Variants in CLPTM1L observed in about 807,000 individuals in gnomAD.
The protein encoded by CLPTM1L is CLPTM1 like, also known as lipid scramblase CLPTM1L.
Under a neutral mutation model 70.9 loss-of-function variants are expected in CLPTM1L, and 38 were observed. The observed-to-expected ratio is 0.54, with a 90% CI of 0.41 to 0.70. The LOEUF (loss-of-function observed/expected upper bound fraction) is 0.70, where lower values mean the gene tolerates loss of function less well. CLPTM1L is among the 30% of genes least tolerant of loss of function. CLPTM1L has a pLI of 0.00. For missense variants in CLPTM1L, 652 were observed against 705.9 expected (o/e 0.92, Z 0.87); for synonymous variants, 339 against 299.9 (o/e 1.13, Z -1.35).
intron 8 of CLPTM1L, chr5:1,331,105 C>T (rs1293356457): frequency 6.5e-6 from 1 of 153,244 alleles, no homozygotes; most frequent in Non-Finnish European, 1.5e-5. Context: ...CCATCAACCA[C>T]TCGCCCCTGT....
intron 3 of CLPTM1L, among the ~76,000 whole-genome samples, chr5:1,341,273 T>C (rs995277761): frequency 3.3e-5 from 5 of 152,320 alleles, no homozygotes; most frequent in African/African-American, 4.8e-5. Flanking sequence ...CATCTAGGAA[T>C]AGCCCAGTCC....
At chr5:1,334,678 CG>C (rs1372995406) in intron 6 of CLPTM1L, among the ~76,000 whole-genome samples, 2 of 151,966 alleles carry the variant, frequency 1.3e-5, no homozygotes, top group East Asian at 1.9e-4. Context: ...CGCTTGAATC[CG>C]GGGGGCGGAG....
chr5:1,327,730 GCTC>G (rs1188915370), intron 9 of CLPTM1L, among the ~76,000 whole-genome samples: 1 of 148,880 alleles, frequency 6.7e-6, no homozygotes. Flanking sequence ...ATTTCATCCA[GCTC>G]CTCCTCTACA....
intron 11 of CLPTM1L, chr5:1,324,152 A>C: frequency 2.3e-6 from 1 of 444,102 alleles, no homozygotes. Flanking sequence ...CCCACAACAG[A>C]TCAATAAACA....
chr5:1,331,666 G>C (rs974816150), intron 8 of CLPTM1L, 133 bp downstream of exon 8: 11 of 740,950 alleles, frequency 1.5e-5, no homozygotes, highest in African/African-American at 5.2e-5. Flanking sequence ...TGGTCTCAGA[G>C]GCTTCTCAAG....
chr5:1,333,267 A>C (rs1753263593), intron 7 of CLPTM1L, among the ~76,000 whole-genome samples: 1 of 119,532 alleles, frequency 8.4e-6, no homozygotes, highest in Admixed American at 7.8e-5. Flanking sequence ...AGGGGGGACT[A>C]CTGTATACAC....
At chr5:1,322,944 C>G in intron 12 of CLPTM1L, 33 bp from the exon 13 acceptor site, 2 of 1,588,942 alleles carry the variant, frequency 1.3e-6, no homozygotes, top group Non-Finnish European at 1.7e-6. Context: ...AGTCCTATTT[C>G]TCGCATAGCT....
rs1243239568 is a variant in CLPTM1L at position 1,321,676 on chromosome 5, T to G, written c.1375A>C (p.Lys459Gln). 1.2e-6 allele frequency: 2 copies of G among 1,613,926 alleles called. No homozygotes were observed. The highest frequency in any genetic ancestry group is 1.7e-6 in the Non-Finnish European group (2 of 1,180,028). ...TTCCAGGGCAGATGTGCCACTGACT[T>G]CAACTGAAACAGGAGAGACAGGCCC... Reference protein sequence around the residue: ...LPQLFVNYKLKSVAHLPWKAF... With the variant: ...LPQLFVNYKLQSVAHLPWKAF... The change falls in exon 15 of 17, where the codon AAG becomes CAG. Residue 459 changes from lysine to glutamine, a missense_variant. Transcript: ENST00000320895.
chr5:1,333,994 C>T (rs1579643748), intron 7 of CLPTM1L, among the ~76,000 whole-genome samples: 1 of 152,112 alleles, frequency 6.6e-6, no homozygotes, highest in South Asian at 2.1e-4. Flanking sequence ...GTGGACACTG[C>T]TCAGAGTACC....
rs772573607 is a variant in CLPTM1L, at chr5:1,344,463, G to A, written c.163-12C>T. On this transcript the variant is annotated splice_polypyrimidine_tract_variant and intron_variant, in intron 1 of 16. Transcript: ENST00000320895. Reference sequence around the variant, plus strand: ...GTGTACACGCTCAGCTGGAAAGGAGGGGGCGTCGAGAGTCAGCTCGGCCAG... The same window carrying A: ...GTGTACACGCTCAGCTGGAAAGGAGAGGGCGTCGAGAGTCAGCTCGGCCAG... 1.1e-5 allele frequency: 17 copies of A among 1,609,576 alleles called. No individual in the cohort carries two copies. The highest frequency in any genetic ancestry group is 1.7e-5 in the Admixed American group (1 of 59,978).
At chr5:1,332,824 T>C (rs1241101369) in intron 7 of CLPTM1L, among the ~76,000 whole-genome samples, 2 of 152,242 alleles carry the variant, frequency 1.3e-5, no homozygotes, top group Admixed American at 6.5e-5. Context: ...ATAATACATA[T>C]ATTCATTCAT....
rs779520878 is a variant in CLPTM1L at position 1,341,873 on chromosome 5, A to C, written c.264-13T>G. 1 of 1,599,718 alleles carries C rather than the reference A, an allele frequency of 6.3e-7. No homozygotes were observed. The highest frequency in any genetic ancestry group is 1.1e-5 in the South Asian group (1 of 90,418). On this transcript the variant is annotated splice_polypyrimidine_tract_variant and intron_variant, in intron 2 of 16. Coordinates refer to ENST00000320895, the MANE Select transcript of CLPTM1L (RefSeq NM_030782.5). The stretch of plus-strand genomic sequence containing the variant: ...AACATTAACTGTCCTGAAACAGAAC[A>C]ATCATTTCCACTACATACATATTAT...
Position 1,344,423 on chromosome 5 carries a change from T to G in CLPTM1L, c.191A>C (p.His64Pro), listed in dbSNP as rs751026995. The change falls in exon 2 of 17, where the codon CAC (histidine) becomes CCC (proline). Residue 64 changes from histidine (H) to proline (P), a missense_variant. Transcript: ENST00000320895. ...GTCGATGTTGTTCTCAGCACCCAGG[T>G]GGGACCTCGTCGTGGTGTACACGCT... ...QLSVYTTTRS[H>P]LGAENNIDLV... 12 of 1,613,580 alleles carry G rather than the reference T, an allele frequency of 7.4e-6. No individual in the cohort carries two copies. Among genetic ancestry groups the G allele is most frequent in the Middle Eastern group, 3.3e-4 (2 of 6,080 alleles).
Position 1,322,556 on chromosome 5 carries a change from T to C in CLPTM1L, c.1315+321A>G, listed in dbSNP as rs370749279. On this transcript the variant is annotated intron_variant, in intron 13 of 16. Transcript: ENST00000320895. ...AGTCATGCACCACACAATGCTGTTT[T>C]CATCAGCGATGGACACATATACCAG... 5.9e-5 allele frequency among the ~76,000 whole-genome samples: 9 copies of C among 152,344 alleles called. No individual in the cohort carries two copies. The South Asian group carries it at 1.9e-3, about 32-fold the overall frequency.
chr5:1,326,205 T>C (rs1303476795), intron 9 of CLPTM1L: 4 of 263,388 alleles, frequency 1.5e-5, no homozygotes, highest in Non-Finnish European at 2.9e-5. Flanking sequence ...TTGGAAGGCA[T>C]CACCCACGGA....
chr5:1,323,941 T>C (rs999467551), intron 11 of CLPTM1L, 72 bp from the exon 12 acceptor site: 2 of 1,180,662 alleles, frequency 1.7e-6, no homozygotes, highest in Admixed American at 1.7e-5. Flanking sequence ...TGCATGGAGC[T>C]CACCCCGACA....
intron 8 of CLPTM1L, 24 bp from the exon 9 acceptor site, chr5:1,330,407 G>A (rs763137526): frequency 1.2e-6 from 2 of 1,602,522 alleles, no homozygotes; most frequent in Non-Finnish European, 1.7e-6. Context: ...GGTCGGGCTG[G>A]GAGGGGGTGC....
intron 2 of CLPTM1L, 150 bp downstream of exon 2, chr5:1,344,201 G>C (rs899580488): frequency 1.2e-5 from 8 of 657,218 alleles, no homozygotes; most frequent in Non-Finnish European, 2.2e-5. Flanking sequence ...GCCACGCATA[G>C]GCCTCCAGTT....
chr5:1,321,358 T>C (rs1048223264), intron 15 of CLPTM1L, among the ~76,000 whole-genome samples: 6 of 152,178 alleles, frequency 3.9e-5, no homozygotes, highest in South Asian at 4.1e-4. Flanking sequence ...GTCTGTGTCT[T>C]GACACATGTG....
Sources: gnomAD v4.1 joint callset for allele counts (sites outside exome capture counted in the v4.1 genomes callset) on GRCh38, gnomAD v4.1.1 for gene constraint, MANE v1.5 for transcripts, NCBI Gene and HGNC (gene_info 2026-07-23, HGNC 2026-07-21) for gene names.